Variants in LMX1A observed in about 807,000 individuals in gnomAD.
LMX1A encodes LIM homeobox transcription factor 1 alpha.
A neutral mutation model predicts 49.1 loss-of-function variants in LMX1A; 15 were observed. The observed-to-expected ratio is 0.31, with a 90% CI of 0.20 to 0.47. The LOEUF (loss-of-function observed/expected upper bound fraction) is 0.47, where lower values mean the gene tolerates loss of function less well. Ranked by LOEUF, LMX1A falls within the 20% of genes least tolerant of loss-of-function variation. The pLI, the probability that LMX1A is intolerant of heterozygous loss-of-function variation, is 1.00. For missense variants in LMX1A, 372 were observed against 475.8 expected, an observed-to-expected ratio of 0.78 and a Z score of 2.03; for synonymous variants, 167 against 185.7, an observed-to-expected ratio of 0.90 and a Z score of 0.82.
chr1:165,325,461 A>G (rs938285700), intron 3 of LMX1A, among the ~76,000 whole-genome samples: 7 of 150,746 alleles, frequency 4.6e-5, no homozygotes, highest in African/African-American at 1.7e-4. Flanking sequence ...GTATATACAT[A>G]TGTGTGTGTG....
At chr1:165,255,357 T>C (rs1442656030) in intron 3 of LMX1A, among the ~76,000 whole-genome samples, 1 of 152,334 alleles carries the variant, frequency 6.6e-6, no homozygotes, top group South Asian at 2.1e-4. Flanking sequence ...GAAATGCTAT[T>C]CAATGCCTTG....
At chr1:165,257,502 T>TA (rs1446809126) in intron 3 of LMX1A, among the ~76,000 whole-genome samples, 4 of 152,058 alleles carry the variant, frequency 2.6e-5, no homozygotes, top group Non-Finnish European at 5.9e-5. Flanking sequence ...CCCAAAGGGA[T>TA]TTCTGAAAGA....
intron 4 of LMX1A, among the ~76,000 whole-genome samples, chr1:165,245,676 C>T (rs1652828110): frequency 6.6e-6 from 1 of 151,702 alleles, no homozygotes; most frequent in Non-Finnish European, 1.5e-5. Context: ...ATTAGGGACA[C>T]TGTAGTTCTA....
intron 3 of LMX1A, among the ~76,000 whole-genome samples, chr1:165,286,565 A>G (rs1654309285): frequency 6.6e-6 from 1 of 152,228 alleles, no homozygotes; most frequent in Non-Finnish European, 1.5e-5. Context: ...TGGTAAAAAT[A>G]AAATGAGAGT....
intron 3 of LMX1A, among the ~76,000 whole-genome samples, chr1:165,337,522 G>A (rs1655932029): frequency 1.3e-5 from 2 of 152,122 alleles, no homozygotes; most frequent in Non-Finnish European, 2.9e-5. Context: ...CACTAATAAG[G>A]CCGTCATGAG....
chr1:165,234,421 T>A (rs769084450), intron 4 of LMX1A, among the ~76,000 whole-genome samples: 1 of 152,222 alleles, frequency 6.6e-6, no homozygotes, highest in South Asian at 2.1e-4. Context: ...CCAGACTCTA[T>A]GATCTCATAG....
intron 3 of LMX1A, among the ~76,000 whole-genome samples, chr1:165,249,919 T>C (rs1466538131): frequency 6.6e-6 from 1 of 152,188 alleles, no homozygotes; most frequent in Non-Finnish European, 1.5e-5. Flanking sequence ...AACAAGATCA[T>C]GTCCTTTTCA....
Position 165,225,612 on chromosome 1 carries a change from G to A in LMX1A, c.497-11799C>T, listed in dbSNP as rs561904120. Reference sequence around the variant, plus strand: ...ACATTGTTACTCCGAACCTAAGACCGCTGTAATTATAGTCTGGACTCTAGG... The same window carrying A: ...ACATTGTTACTCCGAACCTAAGACCACTGTAATTATAGTCTGGACTCTAGG... On this transcript the variant is annotated intron_variant, in intron 4 of 8. Coordinates refer to ENST00000342310, the MANE Select transcript of LMX1A (RefSeq NM_177398.4). 7.9e-5 allele frequency among the ~76,000 whole-genome samples: 12 copies of A among 152,184 alleles called. No homozygotes were observed. In the East Asian group the frequency reaches 9.6e-4, roughly 12 times the overall value.
rs115906653 is a variant in LMX1A at position 165,276,624 on chromosome 1, T to C, written c.264-26984A>G. On this transcript the variant is annotated intron_variant, in intron 3 of 8. Coordinates refer to ENST00000342310, the MANE Select transcript of LMX1A (RefSeq NM_177398.4). ...GGGCCACTAAAGTCACGTTAGACAG[T>C]GCTATACTACATGATGCAGTGTTTG... 6.4e-4 allele frequency among the ~76,000 whole-genome samples: 97 copies of C among 151,142 alleles called. 1 individual carries two copies. Among genetic ancestry groups the C allele is most frequent in the Non-Finnish European group, 1.2e-3 (82 of 67,912 alleles).
chr1:165,344,840 A>G (rs1430222489), intron 3 of LMX1A, among the ~76,000 whole-genome samples: 2 of 152,190 alleles, frequency 1.3e-5, no homozygotes, highest in Non-Finnish European at 2.9e-5. Context: ...TTCTCCTCTC[A>G]ACTGCCCATT....
intron 4 of LMX1A, among the ~76,000 whole-genome samples, chr1:165,242,743 AT>A (rs1413885134): frequency 6.6e-6 from 1 of 151,530 alleles, no homozygotes; most frequent in South Asian, 2.1e-4. Context: ...AGCTGGGCTA[AT>A]TTTTTCTCAG....
At chr1:165,235,862 G>T (rs1367926522) in intron 4 of LMX1A, among the ~76,000 whole-genome samples, 2 of 152,170 alleles carry the variant, frequency 1.3e-5, no homozygotes, top group African/African-American at 4.8e-5. Context: ...CCCTACCGCC[G>T]GGCTCTTTAT....
At chr1:165,247,094 C>T (rs570352659) in intron 4 of LMX1A, among the ~76,000 whole-genome samples, 3 of 33,512 alleles carry the variant, frequency 9.0e-5, no homozygotes, top group African/African-American at 2.2e-4. Context: ...GGGTTAGGGG[C>T]GTGGAGCCAA....
intron 5 of LMX1A, among the ~76,000 whole-genome samples, chr1:165,211,903 G>A (rs1487002661): frequency 6.6e-6 from 1 of 152,132 alleles, no homozygotes; most frequent in Non-Finnish European, 1.5e-5. Flanking sequence ...ACAGTAATGT[G>A]TACACGCATC....
intron 7 of LMX1A, among the ~76,000 whole-genome samples, chr1:165,206,546 C>T (rs1651089178): frequency 6.6e-6 from 1 of 152,230 alleles, no homozygotes; most frequent in South Asian, 2.1e-4. Context: ...CCAGCCTCTG[C>T]TTTCTTAAGT....
intron 4 of LMX1A, among the ~76,000 whole-genome samples, chr1:165,246,488 A>G (rs1325527877): frequency 6.6e-6 from 1 of 152,198 alleles, no homozygotes; most frequent in East Asian, 1.9e-4. Flanking sequence ...ATTACTTTCA[A>G]TGAATAGGGA....
chr1:165,312,397 A>G (rs1655101034), intron 3 of LMX1A, among the ~76,000 whole-genome samples: 1 of 152,148 alleles, frequency 6.6e-6, no homozygotes, highest in Non-Finnish European at 1.5e-5. Flanking sequence ...GCTTATCCAG[A>G]TTAAAGACAT....
chr1:165,271,625 T>C (rs1370971903), intron 3 of LMX1A, among the ~76,000 whole-genome samples: 1 of 152,128 alleles, frequency 6.6e-6, no homozygotes, highest in Non-Finnish European at 1.5e-5. Context: ...GCACAGGTCT[T>C]GGGCAGTGGC....
intron 3 of LMX1A, among the ~76,000 whole-genome samples, chr1:165,281,742 GTGTA>G (rs781398777): frequency 0.026 from 3,774 of 146,712 alleles, 65 homozygotes; most frequent in Non-Finnish European, 0.038. Context: ...GTGTGTGTGT[GTGTA>G]TGTGTGTGTG....
Sources: gnomAD v4.1 joint callset for allele counts (sites outside exome capture counted in the v4.1 genomes callset) on GRCh38, gnomAD v4.1.1 for gene constraint, MANE v1.5 for transcripts, NCBI Gene and HGNC (gene_info 2026-07-23, HGNC 2026-07-21) for gene names.